Variants in PPM1B observed in about 807,000 individuals in gnomAD.
PPM1B encodes the protein protein phosphatase, Mg2+/Mn2+ dependent 1B, also known as protein phosphatase 1B.
PPM1B carries 22 observed loss-of-function variants against 43.0 expected under a neutral mutation model. The observed-to-expected ratio is 0.51, with a 90% confidence interval of 0.37 to 0.73. PPM1B has a LOEUF of 0.73. PPM1B is among the 30% of genes least tolerant of loss of function. The probability of loss-of-function intolerance (pLI) is 0.00; values close to 1 mark genes in which losing one functional copy is unlikely to be tolerated. For synonymous variants in PPM1B, 217 were observed against 197.9 expected, an observed-to-expected ratio of 1.10 and a Z score of -0.81; for missense variants, 632 against 584.2, an observed-to-expected ratio of 1.08 and a Z score of -0.84.
At chr2:44,244,934 C>T (rs530129188), downstream of PPM1B, among the ~76,000 whole-genome samples, 100 of 149,842 alleles carry the variant, frequency 6.7e-4, no homozygotes, top group African/African-American at 2.2e-3. Context: ...TTTTTTAGGG[C>T]GGGACACGTG....
intron 1 of PPM1B, among the ~76,000 whole-genome samples, chr2:44,189,174 C>A (rs1175208922): frequency 6.6e-6 from 1 of 151,954 alleles, no homozygotes; most frequent in Non-Finnish European, 1.5e-5. Context: ...GCCCAGCCAG[C>A]TGCCTTTGTT....
chr2:44,244,396 G>C, downstream of PPM1B: 1 of 1,323,670 alleles, frequency 7.6e-7, no homozygotes, highest in South Asian at 1.2e-5. Flanking sequence ...TATTTGTACT[G>C]CTGTTAACCT....
chr2:44,246,189 C>A (rs116260686), downstream of PPM1B, among the ~76,000 whole-genome samples: 56 of 152,258 alleles, frequency 3.7e-4, no homozygotes, highest in African/African-American at 1.3e-3. Flanking sequence ...GGTAGCAGAA[C>A]TGTCTCCTCC....
chr2:44,246,153 A>G (rs1217503611), downstream of PPM1B, among the ~76,000 whole-genome samples: 1 of 152,174 alleles, frequency 6.6e-6, no homozygotes, highest in African/African-American at 2.4e-5. Context: ...TTCTTAAAGT[A>G]TGCAACCCAG....
chr2:44,199,219 T>G (rs1359271936), intron 1 of PPM1B, among the ~76,000 whole-genome samples: 9 of 141,148 alleles, frequency 6.4e-5, no homozygotes, highest in African/African-American at 2.4e-4. Flanking sequence ...GATTGTGCCG[T>G]TGCACTCCAG....
At chr2:44,210,880 A>G (rs1207168077) in intron 3 of PPM1B, among the ~76,000 whole-genome samples, 1 of 152,138 alleles carries the variant, frequency 6.6e-6, no homozygotes, top group Non-Finnish European at 1.5e-5. Flanking sequence ...GCTCACACCT[A>G]TAATCCCAGC....
In PPM1B at chr2:44,230,744, G is replaced by A. The variant is rs750815215; in HGVS notation, c.*26G>A. On this transcript the variant is annotated 3_prime_UTR_variant, in exon 6 of 6. Coordinates refer to ENST00000282412, the MANE Select transcript of PPM1B (RefSeq NM_002706.6). ...CTTTCCTTTTTGGTAATATTTTTGT[G>A]ATCTTTGATGGTTTTTAACCTAGGA... The A allele has an allele frequency of 2.5e-6, 4 of 1,594,890 alleles. No homozygotes were observed. The highest frequency in any genetic ancestry group is 8.6e-7 in the Non-Finnish European group (1 of 1,168,252).
Position 44,201,240 on chromosome 2 carries a change from A to G in PPM1B, c.41A>G (p.Asn14Ser). ...GATAAACCCAAAACTGAAAAACATA[A>G]TGCTCATGGTGCTGGGAATGGTTTA... is the stretch of plus-strand genomic sequence containing the variant. Reference protein sequence around the residue: ...FLDKPKTEKHNAHGAGNGLRY... With the variant: ...FLDKPKTEKHSAHGAGNGLRY... The change falls in exon 2 of 6, where the codon AAT becomes AGT. Residue 14 changes from asparagine to serine, a missense_variant. Transcript: ENST00000282412. This position sits in a 1 kb window ranked among gnomAD's most constrained non-coding sequence, Gnocchi z 5.4. 1 of 1,607,208 alleles carries G rather than the reference A, an allele frequency of 6.2e-7. No homozygotes were observed. The highest frequency in any genetic ancestry group is 2.2e-5 in the East Asian group (1 of 44,748).
rs1384742850 is a variant in PPM1B at position 44,240,093 on chromosome 2, G to A, written n.1547-4135G>A. Among the ~76,000 whole-genome samples, 2 of 144,748 alleles carry A rather than the reference G, an allele frequency of 1.4e-5. 1 individual carries two copies. Among genetic ancestry groups the A allele is most frequent in the Admixed American group, 1.4e-4 (2 of 14,522 alleles). 95.0% of individuals were successfully genotyped at this position (144,748 alleles called of 152,430 possible). ...TGGCACCATAGCGCACTGCAGCATC[G>A]AACTCCTGTCCTCAAGCAATCCTCC... On this transcript the variant is annotated intron_variant and non_coding_transcript_variant, in intron 5 of 5. Transcript: ENST00000378540.
intron 1 of PPM1B, among the ~76,000 whole-genome samples, chr2:44,197,996 C>T (rs1042698930): frequency 2.0e-5 from 3 of 152,110 alleles, no homozygotes; most frequent in African/African-American, 7.2e-5. Context: ...GCATCCCTAA[C>T]ACCACCGCAT....
downstream of PPM1B, among the ~76,000 whole-genome samples, chr2:44,235,603 CA>C (rs60734033): frequency 0.49 from 36,119 of 73,418 alleles, 6,297 homozygotes; most frequent in Admixed American, 0.57. Flanking sequence ...AATTCCATCT[CA>C]AAAAAAAAAA....
At chr2:44,238,412 C>T (rs1391810324), downstream of PPM1B, among the ~76,000 whole-genome samples, 1 of 152,026 alleles carries the variant, frequency 6.6e-6, no homozygotes, top group African/African-American at 2.4e-5. Flanking sequence ...TTGAAAGTTA[C>T]TGGGTTCTGC....
At chr2:44,187,143 T>C (rs1461308886) in intron 1 of PPM1B, among the ~76,000 whole-genome samples, 4 of 152,186 alleles carry the variant, frequency 2.6e-5, no homozygotes, top group Non-Finnish European at 5.9e-5. Flanking sequence ...TTTCTATGAA[T>C]TTGACTGTTT....
At chr2:44,233,291 G>T (rs1380789961), downstream of PPM1B, 1 of 920,434 alleles carries the variant, frequency 1.1e-6, no homozygotes, top group Non-Finnish European at 1.3e-6. Flanking sequence ...ATCTATTTTA[G>T]ATCTAAGGAA....
intron 2 of PPM1B, among the ~76,000 whole-genome samples, chr2:44,207,728 G>T (rs1447275208): frequency 6.6e-6 from 1 of 151,680 alleles, no homozygotes; most frequent in Admixed American, 6.6e-5. Context: ...GACTACAGGT[G>T]TGTGCCACTA....
At position 44,215,859 on chromosome 2, in the gene PPM1B, G is replaced by C. The variant is rs1669695230; in HGVS notation, c.965-2108G>C. Reference sequence around the variant, plus strand: ...AGAGAGCAACAAGGAATATTGGTTAGAAATGTCTCTGTGAGGAAGGATGTT... The same window carrying C: ...AGAGAGCAACAAGGAATATTGGTTACAAATGTCTCTGTGAGGAAGGATGTT... On this transcript the variant is annotated intron_variant, in intron 3 of 5. Coordinates refer to ENST00000282412, the MANE Select transcript of PPM1B (RefSeq NM_002706.6). Among the ~76,000 whole-genome samples the C allele has an allele frequency of 2.0e-5, 3 of 152,124 alleles. No homozygotes were observed. The South Asian group carries it at 6.2e-4, about 32-fold the overall frequency.
chr2:44,201,169 T>G lies in PPM1B; in HGVS notation c.-14-17T>G. 5 of 1,557,234 alleles carry G rather than the reference T, an allele frequency of 3.2e-6. No individual in the cohort carries two copies. The highest frequency in any genetic ancestry group is 4.3e-6 in the Non-Finnish European group (5 of 1,149,908). On this transcript the variant is annotated splice_polypyrimidine_tract_variant and intron_variant, in intron 1 of 5. Coordinates refer to ENST00000282412, the MANE Select transcript of PPM1B (RefSeq NM_002706.6). This position sits in a 1 kb window ranked among gnomAD's most constrained non-coding sequence, Gnocchi z 5.4. ...CTGTCAAATTTAAACATTTAACACC[T>G]GCATTTTTTATTTCAGATTTATTGC...
chr2:44,235,631 T>C (rs1021876106), downstream of PPM1B, among the ~76,000 whole-genome samples: 20 of 145,870 alleles, frequency 1.4e-4, no homozygotes, highest in African/African-American at 5.1e-4. Context: ...AAAAGACTGC[T>C]TAGCTGAATG....
At chr2:44,189,668 T>C (rs1274207000) in intron 1 of PPM1B, among the ~76,000 whole-genome samples, 1 of 152,198 alleles carries the variant, frequency 6.6e-6, no homozygotes, top group African/African-American at 2.4e-5. Context: ...TTTCGCCATG[T>C]TGGCCAGGCT....
Sources: allele counts gnomAD v4.1 joint callset (sites outside exome capture counted in the v4.1 genomes callset), GRCh38; gene constraint gnomAD v4.1.1; non-coding constraint Gnocchi (gnomAD v3.1); transcripts MANE v1.5; gene names NCBI Gene and HGNC (gene_info 2026-07-23, HGNC 2026-07-21).